C8orf34: variants seen among roughly 807,000 people sequenced by gnomAD.
C8orf34 encodes uncharacterized protein C8orf34.
In C8orf34, 65 loss-of-function variants were observed where a neutral mutation model predicts 68.3. The ratio of observed to expected loss-of-function variants is 0.95; its 90% CI spans 0.78 to 1.17. The LOEUF is 1.17. Among genes scored for constraint, C8orf34 ranks in the 50% most tolerant of loss-of-function variants. C8orf34 has a pLI of 0.00. For synonymous variants in C8orf34, 244 were observed against 241.2 expected, an observed-to-expected ratio of 1.01 and a Z score of -0.11; for missense variants, 664 against 655.4, an observed-to-expected ratio of 1.01 and a Z score of -0.14.
chr8:68,411,918 G>T (rs1809460410), intron 1 of C8orf34, among the ~76,000 whole-genome samples: 1 of 152,208 alleles, frequency 6.6e-6, no homozygotes, highest in Non-Finnish European at 1.5e-5. Context: ...GATGGTATTA[G>T]AATGTGAAGC....
intron 1 of C8orf34, among the ~76,000 whole-genome samples, chr8:68,352,571 C>A (rs1806556751): frequency 6.6e-6 from 1 of 152,062 alleles, no homozygotes; most frequent in South Asian, 2.1e-4. Flanking sequence ...GAAAAGTGAT[C>A]CAGCTTTCAT....
intron 10 of C8orf34, among the ~76,000 whole-genome samples, chr8:68,737,701 GTTCAA>G (rs1056484510): frequency 6.6e-6 from 1 of 151,976 alleles, no homozygotes; most frequent in Non-Finnish European, 1.5e-5. Flanking sequence ...ATGGTAAAGA[GTTCAA>G]TTCAAGAAGA....
chr8:68,759,490 TC>T (rs1412012202), intron 10 of C8orf34, among the ~76,000 whole-genome samples: 1 of 152,204 alleles, frequency 6.6e-6, no homozygotes, highest in Admixed American at 6.5e-5. Flanking sequence ...GACTTATATT[TC>T]CAGCCTGCCA....
At chr8:68,360,812 G>A (rs1428066308) in intron 1 of C8orf34, among the ~76,000 whole-genome samples, 2 of 148,714 alleles carry the variant, frequency 1.3e-5, no homozygotes, top group African/African-American at 5.0e-5. Flanking sequence ...GAGTGCAGTG[G>A]TGTGATCCTG....
intron 12 of C8orf34, among the ~76,000 whole-genome samples, chr8:68,802,469 A>G (rs1824360058): frequency 6.6e-6 from 1 of 152,076 alleles, no homozygotes; most frequent in South Asian, 2.1e-4. Flanking sequence ...TTATTTAATC[A>G]CTCTTCTACA....
Position 68,818,447 on chromosome 8 carries a change from G to A in C8orf34, c.*201G>A. 1 of 563,544 alleles carries A rather than the reference G, an allele frequency of 1.8e-6. No homozygotes were observed. The highest frequency in any genetic ancestry group is 3.1e-6 in the Non-Finnish European group (1 of 319,942). The allele number at this position is 563,544 out of a possible 1,614,324, so 34.9% of individuals were successfully genotyped here. ...CACTAATCCTGGCAAAGGATTGTGG[G>A]GTGGTCAGGAGGCCGGCTGCCTTTT... is the stretch of plus-strand genomic sequence containing the variant. On this transcript the variant is annotated 3_prime_UTR_variant, in exon 14 of 14. Coordinates refer to ENST00000518698, the MANE Select transcript of C8orf34 (RefSeq NM_052958.4).
intron 7 of C8orf34, among the ~76,000 whole-genome samples, chr8:68,634,883 C>T (rs1220421327): frequency 3.3e-5 from 5 of 152,178 alleles, no homozygotes; most frequent in Admixed American, 6.6e-5. Context: ...ACCACAGTCA[C>T]ATCTGACACT....
chr8:68,456,271 T>C (rs1811549273), intron 3 of C8orf34, among the ~76,000 whole-genome samples: 1 of 151,664 alleles, frequency 6.6e-6, no homozygotes, highest in African/African-American at 2.4e-5. Flanking sequence ...AAAAAAAATT[T>C]TCTGTCTAAA....
At chr8:68,784,736 A>G (rs1003725038) in intron 11 of C8orf34, among the ~76,000 whole-genome samples, 1 of 152,070 alleles carries the variant, frequency 6.6e-6, no homozygotes, top group African/African-American at 2.4e-5. Flanking sequence ...AGCTTTGGCT[A>G]ATGACAGCTT....
At chr8:68,511,571 T>A (rs1814277991) in intron 5 of C8orf34, among the ~76,000 whole-genome samples, 1 of 151,706 alleles carries the variant, frequency 6.6e-6, no homozygotes, top group African/African-American at 2.4e-5. Context: ...GCAGGAAAGT[T>A]TTTTTACTGA....
chr8:68,648,605 C>CA (rs777972187), intron 8 of C8orf34, among the ~76,000 whole-genome samples: 2 of 152,274 alleles, frequency 1.3e-5, no homozygotes, highest in Non-Finnish European at 2.9e-5. Context: ...CAAGTGTTTG[C>CA]ATTCCTTCAT....
At chr8:68,577,823 CCTTA>C (rs1052668768) in intron 7 of C8orf34, among the ~76,000 whole-genome samples, 4 of 151,358 alleles carry the variant, frequency 2.6e-5, no homozygotes, top group African/African-American at 7.3e-5. Flanking sequence ...ATTCTAAAAA[CCTTA>C]CTTTTGTATT....
chr8:68,358,500 T>A (rs1218915315), intron 1 of C8orf34, among the ~76,000 whole-genome samples: 1 of 151,644 alleles, frequency 6.6e-6, no homozygotes. Flanking sequence ...TTTCACCACA[T>A]CTCTCATCAG....
intron 1 of C8orf34, among the ~76,000 whole-genome samples, chr8:68,338,825 C>G (rs1805957208): frequency 1.3e-5 from 2 of 152,044 alleles, no homozygotes; most frequent in African/African-American, 2.4e-5. Context: ...TTTCTGTGAA[C>G]AGTGTATAGG....
At chr8:68,334,665 A>C (rs1269217683) in intron 1 of C8orf34, among the ~76,000 whole-genome samples, 3 of 152,044 alleles carry the variant, frequency 2.0e-5, no homozygotes, top group Non-Finnish European at 4.4e-5. Context: ...GGAATTTTTA[A>C]ATTTGTGTAC....
At chr8:68,759,093 C>T (rs1822953918) in intron 10 of C8orf34, among the ~76,000 whole-genome samples, 1 of 152,106 alleles carries the variant, frequency 6.6e-6, no homozygotes, top group Non-Finnish European at 1.5e-5. Context: ...TACACAAACA[C>T]ACACACATAT....
At chr8:68,677,072 C>T (rs952838321) in intron 8 of C8orf34, among the ~76,000 whole-genome samples, 1 of 152,024 alleles carries the variant, frequency 6.6e-6, no homozygotes, top group African/African-American at 2.4e-5. Context: ...GGACACAGAG[C>T]CAAACTATAT....
At chr8:68,457,993 C>G (rs551277959) in intron 3 of C8orf34, among the ~76,000 whole-genome samples, 1 of 151,890 alleles carries the variant, frequency 6.6e-6, no homozygotes, top group Non-Finnish European at 1.5e-5. Flanking sequence ...AATGACTTCC[C>G]AAATTTATTT....
At chr8:68,463,277 T>G (rs1312165308) in intron 3 of C8orf34, among the ~76,000 whole-genome samples, 3 of 152,016 alleles carry the variant, frequency 2.0e-5, no homozygotes, top group South Asian at 2.1e-4. Context: ...AATAACAGGC[T>G]CTGAAATTGT....
Sources: gnomAD v4.1 joint callset for allele counts (sites outside exome capture counted in the v4.1 genomes callset) on GRCh38, gnomAD v4.1.1 for gene constraint, MANE v1.5 for transcripts, NCBI Gene and HGNC (gene_info 2026-07-23, HGNC 2026-07-21) for gene names.